ADGRF5: variants seen among roughly 807,000 people sequenced by gnomAD.
The protein encoded by ADGRF5 is adhesion G protein-coupled receptor F5, also known as G-protein coupled receptor 116.
In ADGRF5, 75 loss-of-function variants were observed where a neutral mutation model predicts 132.3. The observed-to-expected ratio is 0.57, with a 90% CI of 0.47 to 0.69. The LOEUF is 0.69. Among genes scored for constraint, ADGRF5 ranks in the 30% least tolerant of loss-of-function variants. The pLI, the probability that ADGRF5 is intolerant of heterozygous loss-of-function variation, is 0.00. For missense variants in ADGRF5, 1,516 were observed against 1,630.6 expected (o/e 0.93, Z 1.21); for synonymous variants, 629 against 597.6 (o/e 1.05, Z -0.77).
chr6:46,942,380 G>A (rs115595915), intron 1 of ADGRF5, among the ~76,000 whole-genome samples: 3,245 of 152,286 alleles, frequency 0.021, 47 homozygotes, highest in Non-Finnish European at 0.032. Flanking sequence ...AATCCCTAAC[G>A]CAGCACGCTA....
At chr6:46,896,746 G>A (rs1245866847) in intron 3 of ADGRF5, among the ~76,000 whole-genome samples, 2 of 151,500 alleles carry the variant, frequency 1.3e-5, no homozygotes, top group Non-Finnish European at 2.9e-5. Context: ...AATACAGTCA[G>A]CCCTCTGTAT....
intron 20 of ADGRF5, 45 bp from the exon 21 acceptor site, chr6:46,854,116 G>A (rs1360867266): frequency 1.4e-6 from 2 of 1,388,342 alleles, no homozygotes; most frequent in Middle Eastern, 2.6e-4. Flanking sequence ...AAGCCATCAT[G>A]AACTCTGGGG....
chr6:46,868,089 A>G (rs1770649329), intron 12 of ADGRF5, among the ~76,000 whole-genome samples: 1 of 152,214 alleles, frequency 6.6e-6, no homozygotes, highest in Non-Finnish European at 1.5e-5. Flanking sequence ...ATGAAAATAA[A>G]AAGAAGACAT....
chr6:46,863,417 T>C (rs79663460), intron 14 of ADGRF5: 478 of 433,542 alleles, frequency 1.1e-3, no homozygotes, highest in African/African-American at 8.7e-3. Context: ...GCTAAGTAAA[T>C]CGGAATCGTC....
intron 4 of ADGRF5, among the ~76,000 whole-genome samples, chr6:46,885,599 G>A (rs1478746052): frequency 6.6e-6 from 1 of 152,156 alleles, no homozygotes; most frequent in Non-Finnish European, 1.5e-5. Context: ...GTTCATCTCT[G>A]GGCCTATGTA....
chr6:46,904,395 A>G (rs376717126), intron 2 of ADGRF5, among the ~76,000 whole-genome samples: 23 of 152,368 alleles, frequency 1.5e-4, no homozygotes, highest in African/African-American at 5.3e-4. Context: ...GACACAGGCT[A>G]CAACATAGAT....
chr6:46,948,883 C>A (rs900425404), intron 1 of ADGRF5, among the ~76,000 whole-genome samples: 2 of 152,164 alleles, frequency 1.3e-5, no homozygotes, highest in Non-Finnish European at 2.9e-5. Flanking sequence ...TAACATGAGC[C>A]TCTACTCAGG....
rs763595891 is a variant in ADGRF5, at chr6:46,878,354, T to C, written c.1088A>G (p.Lys363Arg). 6.2e-7 allele frequency: 1 copy of C among 1,613,084 alleles called. No individual in the cohort carries two copies. Among genetic ancestry groups the C allele is most frequent in the Non-Finnish European group, 8.5e-7 (1 of 1,179,052 alleles). ...TTGGATGGGCATAACATCTATTTTC[T>C]TCTTGCACTCATATTCAAAAATGTC... Reference protein sequence around the residue: ...ILDIFEYECKKKIDVMPIQIL... With the variant: ...ILDIFEYECKRKIDVMPIQIL... The change falls in exon 10 of 21, where the codon AAG (lysine) becomes AGG (arginine). Residue 363 changes from lysine (K) to arginine (R), a missense_variant. Around this residue, in one of 2 missense-constraint regions of ADGRF5, gnomAD observed 945 missense variants for 929.4 expected, o/e 1.02. Transcript: ENST00000283296.
chr6:46,916,151 C>A (rs1403093368), intron 1 of ADGRF5, among the ~76,000 whole-genome samples: 1 of 152,224 alleles, frequency 6.6e-6, no homozygotes. Flanking sequence ...TGAGAATTCC[C>A]AGAACTGTAT....
intron 1 of ADGRF5, among the ~76,000 whole-genome samples, chr6:46,932,784 C>T (rs562756141): frequency 1.3e-5 from 2 of 152,296 alleles, no homozygotes; most frequent in East Asian, 1.9e-4. Context: ...CTCCTGGGCT[C>T]CTGTTTAATG....
intron 9 of ADGRF5, among the ~76,000 whole-genome samples, chr6:46,879,122 C>T (rs1291585533): frequency 1.3e-5 from 2 of 151,554 alleles, no homozygotes; most frequent in Non-Finnish European, 1.5e-5. Flanking sequence ...ATTCCTTCCT[C>T]AACAAAGCTA....
intron 3 of ADGRF5, among the ~76,000 whole-genome samples, chr6:46,895,726 A>C (rs1179297192): frequency 6.6e-6 from 1 of 151,452 alleles, no homozygotes; most frequent in Non-Finnish European, 1.5e-5. Flanking sequence ...ACCAGGCTCC[A>C]AGACACGCCC....
chr6:46,916,626 G>A (rs902514339), intron 1 of ADGRF5, among the ~76,000 whole-genome samples: 2 of 152,066 alleles, frequency 1.3e-5, no homozygotes, highest in African/African-American at 2.4e-5. Flanking sequence ...TGGGCCCCTC[G>A]CTCCTTTCTT....
chr6:46,911,150 A>C (rs1775912311), intron 1 of ADGRF5, among the ~76,000 whole-genome samples: 1 of 152,138 alleles, frequency 6.6e-6, no homozygotes, highest in South Asian at 2.1e-4. Flanking sequence ...GGTTTTCCTG[A>C]AGTACTCTTC....
At chr6:46,880,117 A>T (rs927947230) in intron 8 of ADGRF5, 78 bp from the exon 9 acceptor site, 2 of 972,070 alleles carry the variant, frequency 2.1e-6, no homozygotes, top group Non-Finnish European at 3.2e-6. Flanking sequence ...CACAACCACC[A>T]CAAGGCTCTT....
chr6:46,953,990 C>G (rs1057314690), intron 1 of ADGRF5, among the ~76,000 whole-genome samples: 9 of 151,656 alleles, frequency 5.9e-5, no homozygotes, highest in African/African-American at 1.7e-4. Flanking sequence ...TATAGTGGTA[C>G]TTAAATAAGA....
intron 13 of ADGRF5, among the ~76,000 whole-genome samples, chr6:46,866,229 A>G (rs1025258887): frequency 6.6e-6 from 1 of 152,114 alleles, no homozygotes; most frequent in Non-Finnish European, 1.5e-5. Context: ...GGACAACTAT[A>G]TTTTTTGGGG....
intron 1 of ADGRF5, among the ~76,000 whole-genome samples, chr6:46,914,587 C>A (rs1776262360): frequency 6.6e-6 from 1 of 152,180 alleles, no homozygotes; most frequent in African/African-American, 2.4e-5. Context: ...CCAAAACACA[C>A]TGCACATGTG....
intron 1 of ADGRF5, among the ~76,000 whole-genome samples, chr6:46,946,648 G>C (rs1778312505): frequency 6.6e-6 from 1 of 152,204 alleles, no homozygotes; most frequent in African/African-American, 2.4e-5. Context: ...GAGCACGGGA[G>C]AGCTGAGCTC....
Sources: allele counts gnomAD v4.1 joint callset (sites outside exome capture counted in the v4.1 genomes callset), GRCh38; gene constraint gnomAD v4.1.1; regional missense constraint gnomAD v4.1.1; transcripts MANE v1.5; gene names NCBI Gene and HGNC (gene_info 2026-07-23, HGNC 2026-07-21).